PCNX2: variants seen among roughly 807,000 people sequenced by gnomAD.
PCNX2 encodes the protein pecanex-like protein 2.
PCNX2 carries 168 observed loss-of-function variants against 223.8 expected under a neutral mutation model. The observed-to-expected ratio is 0.75, with a 90% CI of 0.66 to 0.85. The LOEUF (loss-of-function observed/expected upper bound fraction) is 0.85. Ranked by LOEUF, PCNX2 falls within the 40% of genes least tolerant of loss-of-function variation. The pLI is 0.00. For missense variants in PCNX2, 2,507 were observed against 2,675.5 expected, an observed-to-expected ratio of 0.94 and a Z score of 1.39; for synonymous variants, 1,006 against 1,052.6, an observed-to-expected ratio of 0.96 and a Z score of 0.86.
intron 23 of PCNX2, among the ~76,000 whole-genome samples, chr1:233,068,387 G>C (rs1003102556): frequency 6.6e-6 from 1 of 151,930 alleles, no homozygotes; most frequent in African/African-American, 2.4e-5. Context: ...GAGAAAGAAA[G>C]AAAAGAATGA....
intron 25 of PCNX2, among the ~76,000 whole-genome samples, chr1:233,040,482 C>G (rs1256871142): frequency 6.6e-6 from 1 of 152,122 alleles, no homozygotes; most frequent in African/African-American, 2.4e-5. Context: ...CTTAACTGTC[C>G]CACCCATCCA....
chr1:233,122,336 C>T (rs1020154264), intron 21 of PCNX2, among the ~76,000 whole-genome samples: 2 of 152,012 alleles, frequency 1.3e-5, no homozygotes, highest in Non-Finnish European at 2.9e-5. Flanking sequence ...GATACTTTCC[C>T]CCAAAGGAAG....
At chr1:233,284,420 C>T (rs1661343524) in intron 1 of PCNX2, among the ~76,000 whole-genome samples, 1 of 152,046 alleles carries the variant, frequency 6.6e-6, no homozygotes, top group South Asian at 2.1e-4. Flanking sequence ...CTCTATTCAC[C>T]TTTGCTTGGC....
In PCNX2 at chr1:233,095,825, T is replaced by A. The variant is rs2295744; in HGVS notation, c.3876A>T (p.Thr1292=). ...DLLHKLQFVL[T]YVAPWQMAWG... is the part of the protein sequence containing the mutation. ...AAGCCATCTGCCAAGGAGCCACATA[T>A]GTCAGGACGAACTGTAACTTGTGAA... Residue 1292 remains threonine, a synonymous_variant, in exon 22 of 34, where the codon ACA becomes ACT. Transcript: ENST00000258229. 1 of 1,612,270 alleles carries A rather than the reference T, an allele frequency of 6.2e-7. No homozygotes were observed. Among genetic ancestry groups the A allele is most frequent in the Non-Finnish European group, 8.5e-7 (1 of 1,179,184 alleles).
intron 9 of PCNX2, among the ~76,000 whole-genome samples, chr1:233,229,555 G>C (rs1490268770): frequency 6.6e-6 from 1 of 152,156 alleles, no homozygotes; most frequent in Non-Finnish European, 1.5e-5. Context: ...ATGGTTTACT[G>C]TCCTTGTTAT....
In PCNX2 at chr1:233,169,501, C is replaced by T. The variant is rs540872197; in HGVS notation, c.3274-8138G>A. On this transcript the variant is annotated intron_variant, in intron 17 of 33. Coordinates refer to ENST00000258229, the MANE Select transcript of PCNX2 (RefSeq NM_014801.4). ...CTCTACTAAAAATGCAAAAATTAGC[C>T]GGGCATGGTGGCGCGCGCCTGTAGT... Among the ~76,000 whole-genome samples, 1,458 of 151,234 alleles carry T rather than the reference C, an allele frequency of 9.6e-3. 20 individuals are homozygous for T. The highest frequency in any genetic ancestry group is 0.033 in the African/African-American group (1,359 of 41,066).
At chr1:233,201,399 C>T (rs991487707) in intron 13 of PCNX2, 2 of 152,138 alleles carry the variant, frequency 1.3e-5, no homozygotes, top group African/African-American at 4.8e-5. Context: ...CTATACGTAA[C>T]TATATAAGAC....
At chr1:233,224,956 G>C (rs560357844) in intron 10 of PCNX2, among the ~76,000 whole-genome samples, 15 of 151,920 alleles carry the variant, frequency 9.9e-5, no homozygotes, top group African/African-American at 2.9e-4. Flanking sequence ...TCAGGGTTTG[G>C]GGGGCAAGGG....
chr1:233,017,600 G>A (rs919507229), intron 26 of PCNX2, among the ~76,000 whole-genome samples: 2 of 151,908 alleles, frequency 1.3e-5, no homozygotes, highest in African/African-American at 2.4e-5. Context: ...ACAGGCATGA[G>A]CCACCATGCC....
At chr1:233,289,936 T>C (rs1661663071) in intron 1 of PCNX2, among the ~76,000 whole-genome samples, 1 of 152,212 alleles carries the variant, frequency 6.6e-6, no homozygotes, top group Admixed American at 6.5e-5. Flanking sequence ...CAGGAAAGGC[T>C]GCCTCTTTGG....
At chr1:233,005,137 G>A (rs1476168203) in intron 28 of PCNX2, among the ~76,000 whole-genome samples, 6 of 152,212 alleles carry the variant, frequency 3.9e-5, no homozygotes, top group African/African-American at 1.4e-4. Context: ...GTGCTAAAAT[G>A]AGAGAGCTAA....
intron 22 of PCNX2, among the ~76,000 whole-genome samples, chr1:233,092,909 T>C (rs544251508): frequency 3.9e-5 from 6 of 152,228 alleles, no homozygotes; most frequent in Non-Finnish European, 7.4e-5. Flanking sequence ...AGCGATTCTC[T>C]TGCCTCAGCC....
At position 233,135,046 on chromosome 1, in the gene PCNX2, C is replaced by T; in HGVS notation, c.3804G>A (p.Leu1268=). ...ATAAAATGGACACCATGAAGAAATCCAGTAAGAAGCTCTCTGAAATATCTT... is the reference window on the plus strand; with the variant it reads ...ATAAAATGGACACCATGAAGAAATCTAGTAAGAAGCTCTCTGAAATATCTT... ...DYKDISESFL[L]DFFMVSILFS... The change falls in exon 21 of 34, where the codon CTG becomes CTA. Residue 1268 remains leucine, a synonymous_variant. Transcript: ENST00000258229. The T allele has an allele frequency of 6.2e-7, 1 of 1,611,452 alleles. No individual in the cohort carries two copies. The highest frequency in any genetic ancestry group is 8.5e-7 in the Non-Finnish European group (1 of 1,177,698).
Position 233,188,384 on chromosome 1 carries a change from G to A in PCNX2, c.3067-9209C>T, listed in dbSNP as rs527393653. ...TCCATCAGCAGTTAATAACCTGGCC[G>A]TTTACTTCTTCTAGGCCAGTAAGGG... On this transcript the variant is annotated intron_variant, in intron 15 of 33. Transcript: ENST00000258229. Among the ~76,000 whole-genome samples, 80 of 152,222 alleles carry A rather than the reference G, an allele frequency of 5.3e-4. 1 individual carries two copies. Among genetic ancestry groups the A allele is most frequent in the African/African-American group, 1.9e-3 (80 of 41,538 alleles).
the PCNX2 span, among the ~76,000 whole-genome samples, chr1:233,311,995 C>T: frequency 6.6e-6 from 1 of 152,094 alleles, no homozygotes; most frequent in African/African-American, 2.4e-5. Flanking sequence ...GGTGTGGTGG[C>T]AGGCGCCTAT....
intron 32 of PCNX2, among the ~76,000 whole-genome samples, chr1:232,996,128 C>A (rs899657672): frequency 6.6e-6 from 1 of 152,196 alleles, no homozygotes; most frequent in Non-Finnish European, 1.5e-5. Context: ...TCCCAAAGTG[C>A]TGGGATTATA....
chr1:233,298,802 A>G (rs1352358983), upstream of PCNX2, among the ~76,000 whole-genome samples: 2 of 152,104 alleles, frequency 1.3e-5, no homozygotes, highest in Non-Finnish European at 2.9e-5. Context: ...GAATCGCTTG[A>G]ACCTGGGAGG....
At chr1:233,137,530 G>A (rs899243646) in intron 20 of PCNX2, among the ~76,000 whole-genome samples, 2 of 152,154 alleles carry the variant, frequency 1.3e-5, no homozygotes, top group African/African-American at 2.4e-5. Flanking sequence ...TTAGAAGTTC[G>A]GTGATGTTTT....
chr1:233,102,296 T>G (rs1475653863), intron 21 of PCNX2, among the ~76,000 whole-genome samples: 1 of 152,168 alleles, frequency 6.6e-6, no homozygotes, highest in South Asian at 2.1e-4. Flanking sequence ...GGGACTGAGG[T>G]TGATTCCATA....
Sources: gnomAD v4.1 joint callset for allele counts (sites outside exome capture counted in the v4.1 genomes callset) on GRCh38, gnomAD v4.1.1 for gene constraint, MANE v1.5 for transcripts, NCBI Gene and HGNC (gene_info 2026-07-23, HGNC 2026-07-21) for gene names.